The following SPATA31F1 variants were observed in gnomAD, a reference collection of about 807,000 sequenced individuals.
The protein encoded by SPATA31F1 is SPATA31 subfamily F member 1.
the SPATA31F1 span, chr9:34,729,137 T>C: frequency 9.9e-7 from 1 of 1,005,606 alleles, no homozygotes; most frequent in Non-Finnish European, 1.4e-6. Flanking sequence ...GGTAAGGAAT[T>C]ATAGTCTCTG....
At chr9:34,723,920 T>C in the SPATA31F1 span, 2 of 1,551,490 alleles carry the variant, frequency 1.3e-6, no homozygotes, top group African/African-American at 2.7e-5. Context: ...TTGACAGGGA[T>C]CAGCAAGATG....
At chr9:34,723,973 T>C in the SPATA31F1 span, 1 of 1,550,862 alleles carries the variant, frequency 6.4e-7, no homozygotes, top group Non-Finnish European at 8.7e-7. Flanking sequence ...GTGTCTTGTT[T>C]GGAAGCATCC....
At chr9:34,723,236 G>T in the SPATA31F1 span, 1 of 1,551,328 alleles carries the variant, frequency 6.4e-7, no homozygotes, top group African/African-American at 1.4e-5. Flanking sequence ...CAGGAGCTAG[G>T]TTGGGTGCCC....
chr9:34,727,938 C>T, the SPATA31F1 span: 1 of 1,274,454 alleles, frequency 7.8e-7, no homozygotes, highest in Non-Finnish European at 1.1e-6. Context: ...CATTATCTTT[C>T]TCCTTAGTCC....
chr9:34,727,834 A>G, the SPATA31F1 span, among the ~76,000 whole-genome samples: 94,549 of 152,014 alleles, frequency 0.62, 29,975 homozygotes, highest in South Asian at 0.77. Flanking sequence ...TGAACTGGGC[A>G]GCTCATCTCT....
the SPATA31F1 span, chr9:34,723,253 G>T: frequency 6.4e-7 from 1 of 1,551,670 alleles, no homozygotes; most frequent in Non-Finnish European, 8.7e-7. Flanking sequence ...GCCCTGGTTT[G>T]TTGGCACAAG....
chr9:34,723,091 T>C, the SPATA31F1 span: 3 of 991,782 alleles, frequency 3.0e-6, no homozygotes, highest in Non-Finnish European at 4.4e-6. Context: ...GTGGCATCTG[T>C]CCCACCTGCA....
the SPATA31F1 span, chr9:34,724,249 C>T: frequency 4.0e-4 from 625 of 1,549,894 alleles, 2 homozygotes; most frequent in African/African-American, 4.7e-3. Context: ...CCCCACTGGG[C>T]TGTGAGATCT....
the SPATA31F1 span, chr9:34,726,738 C>T: frequency 2.6e-6 from 4 of 1,551,696 alleles, no homozygotes; most frequent in African/African-American, 4.1e-5. Context: ...GTTGGGGTTA[C>T]AGATGACAGT....
At chr9:34,723,899 T>C in the SPATA31F1 span, 3 of 1,551,484 alleles carry the variant, frequency 1.9e-6, no homozygotes, top group Non-Finnish European at 2.6e-6. Flanking sequence ...AGGGTGATGC[T>C]GGGGGCTGTG....
the SPATA31F1 span, chr9:34,729,386 G>A: frequency 4.5e-6 from 7 of 1,551,318 alleles, no homozygotes; most frequent in Non-Finnish European, 6.1e-6. Context: ...AGATGTATAA[G>A]GGATATCCAA....
At chr9:34,724,797 G>C in the SPATA31F1 span, 2 of 1,551,412 alleles carry the variant, frequency 1.3e-6, no homozygotes, top group South Asian at 1.2e-5. Context: ...ACGGGACTAG[G>C]CTCCATCTCT....
the SPATA31F1 span, chr9:34,728,224 C>T: frequency 5.1e-5 from 35 of 690,566 alleles, no homozygotes; most frequent in East Asian, 9.6e-4. Flanking sequence ...TGTCTGAGTA[C>T]AGCATCGCTG....
chr9:34,723,553 T>G, the SPATA31F1 span: 1 of 1,551,828 alleles, frequency 6.4e-7, no homozygotes, highest in Non-Finnish European at 8.7e-7. Context: ...CCTCATGCCC[T>G]TTGCCTTTTG....
the SPATA31F1 span, chr9:34,725,665 G>A: frequency 6.5e-7 from 1 of 1,534,802 alleles, no homozygotes; most frequent in African/African-American, 1.4e-5. Flanking sequence ...TCTGTAGCAG[G>A]TGCCACTCCA....
At chr9:34,724,184 G>A in the SPATA31F1 span, 7 of 1,551,246 alleles carry the variant, frequency 4.5e-6, no homozygotes, top group African/African-American at 1.4e-5. Context: ...CTCCAGGCTG[G>A]GTTTGTTCAC....
At chr9:34,726,806 G>T in the SPATA31F1 span, 26 of 1,551,678 alleles carry the variant, frequency 1.7e-5, no homozygotes, top group Non-Finnish European at 2.3e-5. Context: ...AGACATACTA[G>T]ACGTAGACAG....
chr9:34,728,690 A>G, the SPATA31F1 span: 9 of 1,547,250 alleles, frequency 5.8e-6, no homozygotes, highest in Non-Finnish European at 7.9e-6. Flanking sequence ...TGAAGCTGGG[A>G]CACCATTTTC....
At chr9:34,726,824 A>C in the SPATA31F1 span, 20,720 of 1,551,800 alleles carry the variant, frequency 0.013, 207 homozygotes, top group Middle Eastern at 0.034. Context: ...CAGCATCTCT[A>C]GGCAAGAGGA....
Sources: gnomAD v4.1 joint callset for allele counts (sites outside exome capture counted in the v4.1 genomes callset) on GRCh38, gnomAD v4.1.1 for gene constraint, MANE v1.5 for transcripts, NCBI Gene and HGNC (gene_info 2026-07-23, HGNC 2026-07-21) for gene names.